The following DAB1 variants were observed in gnomAD, a reference collection of about 807,000 sequenced individuals.
DAB1 encodes the protein DAB adaptor protein 1.
DAB1 carries 15 observed loss-of-function variants against 64.6 expected under a neutral mutation model. That is an observed-to-expected ratio of 0.23 (90% confidence interval 0.16 to 0.36). The LOEUF (loss-of-function observed/expected upper bound fraction) is 0.36, where lower values mean the gene tolerates loss of function less well. DAB1 is among the 10% of genes least tolerant of loss of function. The probability of loss-of-function intolerance (pLI) is 1.00; values close to 1 mark genes in which losing one functional copy is unlikely to be tolerated. For missense variants in DAB1, 596 were observed against 706.7 expected, an observed-to-expected ratio of 0.84 and a Z score of 1.78; for synonymous variants, 235 against 251.9, an observed-to-expected ratio of 0.93 and a Z score of 0.64.
intron 3 of DAB1, among the ~76,000 whole-genome samples, chr1:58,372,710 T>C (rs967152111): frequency 6.6e-6 from 1 of 152,182 alleles, no homozygotes; most frequent in Admixed American, 6.5e-5. Flanking sequence ...GATTGCATCA[T>C]GAGGGTGGTT....
chr1:57,035,395 C>T (rs539567831), intron 9 of DAB1, among the ~76,000 whole-genome samples: 33 of 152,146 alleles, frequency 2.2e-4, no homozygotes, highest in Non-Finnish European at 4.6e-4. Context: ...AAACCCCCCA[C>T]CATGTCCCAT....
chr1:58,062,086 A>G (rs1648536520), intron 5 of DAB1, among the ~76,000 whole-genome samples: 1 of 152,230 alleles, frequency 6.6e-6, no homozygotes, highest in Non-Finnish European at 1.5e-5. Flanking sequence ...TCTCCTTGGA[A>G]TAAGAAGCCA....
At position 57,176,970 on chromosome 1, in the gene DAB1, T is replaced by TACAAAAAAA. The variant is rs146465598; in HGVS notation, c.68-31542_68-31541insTTTTTTTGT. Reference sequence around the variant, plus strand: ...GATAAAAAAAAGAAGCAGCAGCAGATATAAAAAAAAAAAAAAAAAAAAGCC... The same window carrying TACAAAAAAA: ...GATAAAAAAAAGAAGCAGCAGCAGATACAAAAAAAATAAAAAAAAAAAAAAAAAAAAGCC... On this transcript the variant is annotated intron_variant, in intron 2 of 14. Coordinates refer to ENST00000371236, the MANE Select transcript of DAB1 (RefSeq NM_001365792.1). Among the ~76,000 whole-genome samples, 48 of 60,994 alleles carry TACAAAAAAA rather than the reference T, an allele frequency of 7.9e-4. 9 individuals carry two copies. The highest frequency in any genetic ancestry group is 1.4e-3 in the African/African-American group (37 of 25,642). The allele number at this position is 60,994 out of a possible 152,430, so 40.0% of individuals were successfully genotyped here.
chr1:57,551,981 C>T (rs1644919405), intron 7 of DAB1, among the ~76,000 whole-genome samples: 3 of 152,166 alleles, frequency 2.0e-5, no homozygotes, highest in East Asian at 1.9e-4. Context: ...AAACCAAGAG[C>T]GCACAGGAAG....
chr1:57,534,776 C>T (rs533788946), intron 7 of DAB1, among the ~76,000 whole-genome samples: 7 of 152,204 alleles, frequency 4.6e-5, no homozygotes, highest in African/African-American at 1.7e-4. Context: ...CTTTGAAAAG[C>T]GTAAATGAGA....
At chr1:57,817,297 G>A (rs1651910599) in intron 6 of DAB1, among the ~76,000 whole-genome samples, 1 of 152,214 alleles carries the variant, frequency 6.6e-6, no homozygotes, top group Non-Finnish European at 1.5e-5. Flanking sequence ...GTAATGTGGA[G>A]GTTCCTTCCT....
In DAB1 at chr1:57,198,755, T is replaced by C. The variant is rs540886984; in HGVS notation, c.68-53326A>G. 4.0e-5 allele frequency among the ~76,000 whole-genome samples: 6 copies of C among 151,716 alleles called. No individual in the cohort carries two copies. In the South Asian group the frequency reaches 1.3e-3, roughly 32 times the overall value. On this transcript the variant is annotated intron_variant, in intron 2 of 14. Coordinates refer to ENST00000371236, the MANE Select transcript of DAB1 (RefSeq NM_001365792.1). ...AGGAAGTGACGTGTAAGCTGGACTC[T>C]GGAGGAGGAGAGGAGGTGATTAGGT...
At chr1:57,836,609 T>G (rs899644996) in intron 1 of DAB1, among the ~76,000 whole-genome samples, 1 of 152,216 alleles carries the variant, frequency 6.6e-6, no homozygotes, top group Non-Finnish European at 1.5e-5. Context: ...TGAAATAAAT[T>G]TCCCACCTAT....
intron 5 of DAB1, among the ~76,000 whole-genome samples, chr1:58,039,073 T>C (rs540084317): frequency 1.2e-4 from 18 of 152,300 alleles, no homozygotes; most frequent in South Asian, 8.3e-4. Context: ...GTTTCTGTAT[T>C]TCTGATGCTT....
chr1:57,088,670 C>T lies in DAB1; in HGVS notation c.307-16256G>A, dbSNP rs368298520. 6.6e-5 allele frequency among the ~76,000 whole-genome samples: 10 copies of T among 152,298 alleles called. No individual in the cohort carries two copies. The East Asian group carries it at 1.2e-3, about 18-fold the overall frequency. On this transcript the variant is annotated intron_variant, in intron 4 of 14. Transcript: ENST00000371236. ...TTCCCTGACTCTACTCAAGCTCTCA[C>T]TATTTCCCCTCCCACTCTCTCATTC... is the stretch of plus-strand genomic sequence containing the variant.
At chr1:57,635,909 T>C (rs541230810) in intron 7 of DAB1, among the ~76,000 whole-genome samples, 15 of 151,678 alleles carry the variant, frequency 9.9e-5, no homozygotes, top group Non-Finnish European at 1.3e-4. Context: ...TCCTGGCTAA[T>C]ACGGTGAAAC....
At chr1:58,027,061 C>A (rs1233766826) in intron 5 of DAB1, among the ~76,000 whole-genome samples, 2 of 152,220 alleles carry the variant, frequency 1.3e-5, no homozygotes, top group Non-Finnish European at 2.9e-5. Flanking sequence ...TAGATAAAAA[C>A]CACTGCCCTG....
chr1:57,904,668 A>C (rs1644525118), intron 5 of DAB1, among the ~76,000 whole-genome samples: 1 of 152,208 alleles, frequency 6.6e-6, no homozygotes, highest in African/African-American at 2.4e-5. Flanking sequence ...GAACAGCTGG[A>C]GTGAAGGCAG....
At chr1:58,106,145 TTTTC>T (rs139743356) in intron 5 of DAB1, among the ~76,000 whole-genome samples, 2,396 of 151,744 alleles carry the variant, frequency 0.016, 54 homozygotes, top group African/African-American at 0.054. Flanking sequence ...TCTTTCTTTC[TTTTC>T]TTTCTTTCTT....
At chr1:58,026,118 CT>C (rs1646891744) in intron 5 of DAB1, among the ~76,000 whole-genome samples, 1 of 152,174 alleles carries the variant, frequency 6.6e-6, no homozygotes, top group Admixed American at 6.6e-5. Context: ...AAGCTACATG[CT>C]GCAAGTGCTT....
At chr1:57,564,097 G>A (rs913985809) in intron 7 of DAB1, among the ~76,000 whole-genome samples, 1 of 152,122 alleles carries the variant, frequency 6.6e-6, no homozygotes, top group Non-Finnish European at 1.5e-5. Flanking sequence ...GCTTCCAGAG[G>A]AACAATCAGG....
At chr1:57,020,154 G>A (rs111720871) in intron 11 of DAB1, among the ~76,000 whole-genome samples, 1 of 152,116 alleles carries the variant, frequency 6.6e-6, no homozygotes, top group African/African-American at 2.4e-5. Context: ...TTTTGTGAAG[G>A]TGATCCTTTC....
chr1:57,953,125 G>A lies in DAB1; in HGVS notation n.388-68963C>T, dbSNP rs370305040. ...TTTATACATTTCTATTTTTGTCTTT[G>A]CAGACAGAATTCCCACCAAGGCTGT... On this transcript the variant is annotated intron_variant and non_coding_transcript_variant, in intron 5 of 20. Coordinates refer to the DAB1 transcript ENST00000485760. Among the ~76,000 whole-genome samples, 5 of 152,104 alleles carry A rather than the reference G, an allele frequency of 3.3e-5. No homozygotes were observed. The East Asian group carries it at 9.7e-4, about 29-fold the overall frequency.
rs190800825 is a variant in DAB1, at chr1:57,491,289, G to A, written n.625+158303C>T. ...TAAAAATACAAAAAATTAGCCAGGCGTGGTGGCAGGCGCCTGTAGTCCCAG... is the reference window on the plus strand; with the variant it reads ...TAAAAATACAAAAAATTAGCCAGGCATGGTGGCAGGCGCCTGTAGTCCCAG... On this transcript the variant is annotated intron_variant and non_coding_transcript_variant, in intron 7 of 20. Coordinates refer to the DAB1 transcript ENST00000485760. Among the ~76,000 whole-genome samples the A allele has an allele frequency of 1.5e-3, 232 of 152,052 alleles. 4 individuals carry two copies. In the East Asian group the frequency reaches 0.041, roughly 27 times the overall value.
Sources: gnomAD v4.1 joint callset for allele counts (sites outside exome capture counted in the v4.1 genomes callset) on GRCh38, gnomAD v4.1.1 for gene constraint, MANE v1.5 for transcripts, NCBI Gene and HGNC (gene_info 2026-07-23, HGNC 2026-07-21) for gene names.